The following IMMP2L variants were observed in gnomAD, a reference collection of about 807,000 sequenced individuals.
The protein encoded by IMMP2L is mitochondrial inner membrane protease subunit 2.
Under a neutral mutation model 19.3 loss-of-function variants are expected in IMMP2L, and 18 were observed. The observed-to-expected ratio is 0.93, with a 90% CI of 0.64 to 1.38. IMMP2L has a LOEUF of 1.38. IMMP2L is among the 40% of genes most tolerant of loss of function. The probability of loss-of-function intolerance (pLI) is 0.00; values close to 1 mark genes in which losing one functional copy is unlikely to be tolerated. For synonymous variants in IMMP2L, 76 were observed against 73.0 expected (o/e 1.04, Z -0.21); for missense variants, 233 against 218.2 (o/e 1.07, Z -0.43).
intron 3 of IMMP2L, among the ~76,000 whole-genome samples, chr7:111,215,233 T>C (rs1811809739): frequency 6.6e-6 from 1 of 152,196 alleles, no homozygotes; most frequent in African/African-American, 2.4e-5. Flanking sequence ...ATCATCTACA[T>C]GAGCCATTCT....
chr7:111,191,558 G>T (rs1418440678), intron 3 of IMMP2L, among the ~76,000 whole-genome samples: 1 of 151,592 alleles, frequency 6.6e-6, no homozygotes, highest in Non-Finnish European at 1.5e-5. Flanking sequence ...TTCCCTAAAG[G>T]CAAATACTGA....
intron 5 of IMMP2L, among the ~76,000 whole-genome samples, chr7:110,811,421 A>G (rs886530808): frequency 6.6e-6 from 1 of 152,018 alleles, no homozygotes; most frequent in African/African-American, 2.4e-5. Context: ...AAAGGTTCAT[A>G]TATTCATAAA....
At chr7:111,264,535 C>T (rs556815937) in intron 3 of IMMP2L, among the ~76,000 whole-genome samples, 3 of 151,848 alleles carry the variant, frequency 2.0e-5, no homozygotes, top group East Asian at 1.9e-4. Flanking sequence ...TTTCGCCCAA[C>T]AGGAATCAAA....
intron 3 of IMMP2L, among the ~76,000 whole-genome samples, chr7:111,235,205 C>T (rs1418154808): frequency 6.6e-6 from 1 of 152,036 alleles, no homozygotes; most frequent in Non-Finnish European, 1.5e-5. Flanking sequence ...TGGACAGTGG[C>T]TCACGCCTGT....
At chr7:111,445,411 AACAT>A (rs568084274) in intron 3 of IMMP2L, among the ~76,000 whole-genome samples, 50 of 152,086 alleles carry the variant, frequency 3.3e-4, no homozygotes, top group Non-Finnish European at 5.6e-4. Flanking sequence ...AATAGACACA[AACAT>A]ACATACATAC....
chr7:110,789,713 G>A lies in IMMP2L; in HGVS notation c.408+96880C>T, dbSNP rs546177402. On this transcript the variant is annotated intron_variant, in intron 5 of 5. Transcript: ENST00000405709. ...TCCTCTGAGCCTCCACCACCTCACT[G>A]ACCTTATTTCCTACCGTCCTCCCTG... Among the ~76,000 whole-genome samples, 4 of 151,682 alleles carry A rather than the reference G, an allele frequency of 2.6e-5. No individual in the cohort carries two copies. In the East Asian group the frequency reaches 5.9e-4, roughly 22 times the overall value.
chr7:111,454,650 A>C (rs1839528493), intron 3 of IMMP2L, among the ~76,000 whole-genome samples: 1 of 152,032 alleles, frequency 6.6e-6, no homozygotes, highest in Non-Finnish European at 1.5e-5. Context: ...AGAATTATTG[A>C]GATAATTTAT....
intron 3 of IMMP2L, among the ~76,000 whole-genome samples, chr7:111,264,702 C>A (rs1032060278): frequency 1.7e-4 from 26 of 151,044 alleles, no homozygotes; most frequent in Non-Finnish European, 2.9e-5. Context: ...TGGGAGGCTG[C>A]CCCACTACCT....
At chr7:111,224,030 T>A (rs1313151105) in intron 3 of IMMP2L, among the ~76,000 whole-genome samples, 2 of 152,088 alleles carry the variant, frequency 1.3e-5, no homozygotes, top group African/African-American at 2.4e-5. Flanking sequence ...AAACTGAATA[T>A]AGAAAACAGA....
At chr7:111,407,415 A>G (rs78862484) in intron 3 of IMMP2L, among the ~76,000 whole-genome samples, 3,069 of 152,184 alleles carry the variant, frequency 0.02, 107 homozygotes, top group African/African-American at 0.07. Context: ...AAAGTCTAGC[A>G]AATGGTGTGT....
intron 3 of IMMP2L, among the ~76,000 whole-genome samples, chr7:111,028,169 C>G (rs1460238320): frequency 6.6e-6 from 1 of 152,090 alleles, no homozygotes; most frequent in Non-Finnish European, 1.5e-5. Context: ...AACCTTCCTA[C>G]ACAAATTAAA....
At position 111,205,729 on chromosome 7, in the gene IMMP2L, C is replaced by T. The variant is rs1810630400; in HGVS notation, c.240-242164G>A. Among the ~76,000 whole-genome samples the T allele has an allele frequency of 3.3e-5, 5 of 152,196 alleles. No individual in the cohort carries two copies. In the South Asian group the frequency reaches 1.0e-3, roughly 32 times the overall value. On this transcript the variant is annotated intron_variant, in intron 3 of 5. Coordinates refer to ENST00000405709, the MANE Select transcript of IMMP2L (RefSeq NM_032549.4). ...AACTATAGGCCATGCCATCTTGCTCCCATTCTGCTCTCTCCCAGTTGCTGC... is the reference window on the plus strand; with the variant it reads ...AACTATAGGCCATGCCATCTTGCTCTCATTCTGCTCTCTCCCAGTTGCTGC...
chr7:110,811,991 T>C (rs1047780776), intron 5 of IMMP2L, among the ~76,000 whole-genome samples: 3 of 152,034 alleles, frequency 2.0e-5, no homozygotes, highest in African/African-American at 7.2e-5. Flanking sequence ...TCTATTCTTC[T>C]CCAGGGATAA....
rs542619103 is a variant in IMMP2L, at chr7:111,066,392, G to T, written c.240-102827C>A. ...ATGAACAAAGAATAATTAAAGGAAT[G>T]AAATTTTAAAATATGAAAATATTAA... On this transcript the variant is annotated intron_variant, in intron 3 of 5. Coordinates refer to ENST00000405709, the MANE Select transcript of IMMP2L (RefSeq NM_032549.4). 3.3e-5 allele frequency among the ~76,000 whole-genome samples: 5 copies of T among 152,172 alleles called. No individual in the cohort carries two copies. The South Asian group carries it at 6.2e-4, about 19-fold the overall frequency.
At chr7:111,229,722 T>C (rs143375266) in intron 3 of IMMP2L, among the ~76,000 whole-genome samples, 5 of 152,118 alleles carry the variant, frequency 3.3e-5, no homozygotes, top group African/African-American at 1.2e-4. Flanking sequence ...TATATTAAAA[T>C]AATTCATATC....
At chr7:111,206,329 C>T (rs895627649) in intron 3 of IMMP2L, among the ~76,000 whole-genome samples, 10 of 152,236 alleles carry the variant, frequency 6.6e-5, no homozygotes, top group Middle Eastern at 3.4e-3. Context: ...AGTAAGTCCC[C>T]TTTAGCTTTC....
chr7:111,280,756 T>C (rs1427113188), intron 3 of IMMP2L, among the ~76,000 whole-genome samples: 1 of 151,938 alleles, frequency 6.6e-6, no homozygotes, highest in Non-Finnish European at 1.5e-5. Flanking sequence ...AAGAACTGAT[T>C]GAGTAAGAAC....
intron 3 of IMMP2L, chr7:111,099,868 A>G (rs962764943): frequency 5.9e-5 from 9 of 151,718 alleles, no homozygotes; most frequent in Non-Finnish European, 1.2e-4. Context: ...GCTACTTCTT[A>G]CATACAACAA....
intron 5 of IMMP2L, among the ~76,000 whole-genome samples, chr7:110,675,406 C>A (rs985523190): frequency 6.6e-6 from 1 of 152,146 alleles, no homozygotes; most frequent in African/African-American, 2.4e-5. Context: ...TTTTCTCCCC[C>A]CAAATGCAAC....
Sources: gnomAD v4.1 joint callset for allele counts (sites outside exome capture counted in the v4.1 genomes callset) on GRCh38, gnomAD v4.1.1 for gene constraint, MANE v1.5 for transcripts, NCBI Gene and HGNC (gene_info 2026-07-23, HGNC 2026-07-21) for gene names.